Variants in TTC28 observed in about 807,000 individuals in gnomAD.
The protein encoded by TTC28 is tetratricopeptide repeat protein 28.
TTC28 carries 61 observed loss-of-function variants against 198.0 expected under a neutral mutation model. The observed-to-expected ratio is 0.31, with a 90% CI of 0.25 to 0.38. The LOEUF (loss-of-function observed/expected upper bound fraction) is 0.38. Ranked by LOEUF, TTC28 falls within the 10% of genes least tolerant of loss-of-function variation. The pLI is 1.00. For synonymous variants in TTC28, 1,171 were observed against 1,297.8 expected (o/e 0.90, Z 2.10); for missense variants, 2,678 against 3,164.0 (o/e 0.85, Z 3.69).
chr22:28,531,601 T>G (rs2049141604), intron 2 of TTC28, among the ~76,000 whole-genome samples: 1 of 152,208 alleles, frequency 6.6e-6, no homozygotes. Flanking sequence ...ATCAACAGAA[T>G]ATACATTCTT....
At chr22:28,485,324 T>C (rs539876048) in intron 2 of TTC28, among the ~76,000 whole-genome samples, 1 of 152,332 alleles carries the variant, frequency 6.6e-6, no homozygotes, top group South Asian at 2.1e-4. Flanking sequence ...ATACATATTA[T>C]AAAATAATCT....
chr22:28,272,943 A>C (rs1230086335), intron 5 of TTC28, among the ~76,000 whole-genome samples: 5 of 152,252 alleles, frequency 3.3e-5, no homozygotes, highest in Non-Finnish European at 7.3e-5. Flanking sequence ...AGTAACTGCA[A>C]TAAATCAAGT....
chr22:28,270,586 C>A (rs1932001029), intron 5 of TTC28, among the ~76,000 whole-genome samples: 2 of 152,010 alleles, frequency 1.3e-5, no homozygotes, highest in African/African-American at 2.4e-5. Context: ...GGTCACTCAG[C>A]AATATTTATT....
intron 12 of TTC28, among the ~76,000 whole-genome samples, chr22:28,040,333 C>T (rs958102899): frequency 6.6e-6 from 1 of 152,152 alleles, no homozygotes; most frequent in Non-Finnish European, 1.5e-5. Flanking sequence ...GTGCGAAAAT[C>T]CTCAATAAAA....
At chr22:28,084,779 T>C (rs1480187384) in intron 12 of TTC28, among the ~76,000 whole-genome samples, 1 of 151,968 alleles carries the variant, frequency 6.6e-6, no homozygotes, top group Non-Finnish European at 1.5e-5. Flanking sequence ...ATTAGACGAA[T>C]GGATAACTAG....
chr22:28,026,812 T>G (rs1938853165), intron 13 of TTC28, among the ~76,000 whole-genome samples: 1 of 152,156 alleles, frequency 6.6e-6, no homozygotes, highest in Admixed American at 6.5e-5. Context: ...AATAAGAAAG[T>G]CCCTCTCCAC....
intron 5 of TTC28, among the ~76,000 whole-genome samples, chr22:28,272,529 T>C (rs1343595550): frequency 6.6e-6 from 1 of 152,200 alleles, no homozygotes; most frequent in Non-Finnish European, 1.5e-5. Context: ...CCAAAAGGTG[T>C]AATTCTAAAC....
At chr22:28,473,709 T>C (rs769630151) in intron 2 of TTC28, among the ~76,000 whole-genome samples, 5 of 152,232 alleles carry the variant, frequency 3.3e-5, no homozygotes, top group Non-Finnish European at 5.9e-5. Context: ...GAATTCTTTC[T>C]TGGGCAAAGC....
At chr22:28,577,410 G>A (rs913100301) in intron 2 of TTC28, among the ~76,000 whole-genome samples, 14 of 152,176 alleles carry the variant, frequency 9.2e-5, no homozygotes, top group African/African-American at 3.4e-4. Flanking sequence ...CCCTGAGAAC[G>A]ATCCATGTGC....
At chr22:28,247,651 G>C (rs1231901092) in intron 5 of TTC28, among the ~76,000 whole-genome samples, 1 of 152,142 alleles carries the variant, frequency 6.6e-6, no homozygotes, top group Non-Finnish European at 1.5e-5. Flanking sequence ...AAGCTTTGCT[G>C]GGGGAAAGGG....
chr22:28,343,886 G>T (rs1453524039), intron 2 of TTC28, among the ~76,000 whole-genome samples: 1 of 152,154 alleles, frequency 6.6e-6, no homozygotes, highest in East Asian at 1.9e-4. Context: ...TTCCTTGGAA[G>T]CTTAGAGGAA....
At chr22:28,382,026 A>C (rs1261476346) in intron 2 of TTC28, among the ~76,000 whole-genome samples, 1 of 152,160 alleles carries the variant, frequency 6.6e-6, no homozygotes, top group East Asian at 1.9e-4. Context: ...CCCAACATTC[A>C]GATTTACAAC....
rs2045270450 is a variant in TTC28 at position 28,312,147 on chromosome 22, T to C, written c.382-5504A>G. The stretch of plus-strand genomic sequence containing the variant: ...CATTACATAATGGTAAAGGGATCAA[T>C]TCAACAAGAAGAGCTAACTATCCTA... On this transcript the variant is annotated intron_variant, in intron 2 of 22. Transcript: ENST00000397906. 2.0e-5 allele frequency among the ~76,000 whole-genome samples: 3 copies of C among 152,060 alleles called. No homozygotes were observed. In the South Asian group the frequency reaches 6.2e-4, roughly 32 times the overall value.
chr22:28,569,151 CAAATAAATAAATAAATAAAT>C (rs33998799), intron 2 of TTC28, among the ~76,000 whole-genome samples: 27 of 136,058 alleles, frequency 2.0e-4, no homozygotes, highest in African/African-American at 5.8e-4. Context: ...TGTTCTGTCT[CAAATAAATAAATAAATAAAT>C]AAATAAATAA....
At chr22:28,104,935 C>T (rs1464215378) in intron 8 of TTC28, among the ~76,000 whole-genome samples, 1 of 152,156 alleles carries the variant, frequency 6.6e-6, no homozygotes, top group African/African-American at 2.4e-5. Flanking sequence ...TTCATCTGTG[C>T]GAGAACGTGC....
rs139384337 is a variant in TTC28, at chr22:28,335,417, T to G, written c.382-28774A>C. 5.3e-3 allele frequency among the ~76,000 whole-genome samples: 812 copies of G among 152,342 alleles called. 3 individuals are homozygous for G. Among genetic ancestry groups the G allele is most frequent in the African/African-American group, 0.019 (784 of 41,570 alleles). On this transcript the variant is annotated intron_variant, in intron 2 of 22. Coordinates refer to ENST00000397906, the MANE Select transcript of TTC28 (RefSeq NM_001145418.2). The stretch of plus-strand genomic sequence containing the variant: ...AAAGTCTGTGGTAGCTTGATGGGGA[T>G]GGCATTGAATCTATAAATTACCTTG...
intron 5 of TTC28, among the ~76,000 whole-genome samples, chr22:28,192,039 C>G (rs962399607): frequency 6.6e-6 from 1 of 152,326 alleles, no homozygotes; most frequent in East Asian, 1.9e-4. Context: ...AGGCACCCCC[C>G]AGTAGGGGCA....
At chr22:28,243,953 G>A (rs746816651) in intron 5 of TTC28, among the ~76,000 whole-genome samples, 4 of 152,110 alleles carry the variant, frequency 2.6e-5, no homozygotes, top group Non-Finnish European at 4.4e-5. Flanking sequence ...AAGAGAAATC[G>A]TTGTCCTTAT....
rs1921494916 is a variant in TTC28, at chr22:28,163,555, G to T, written c.978C>A (p.Ala326=). 6.4e-7 allele frequency: 1 copy of T among 1,551,114 alleles called. No individual in the cohort carries two copies. The highest frequency in any genetic ancestry group is 8.7e-7 in the Non-Finnish European group (1 of 1,146,790). Residue 326 remains alanine (A), a synonymous_variant, in exon 6 of 23, where the codon GCC becomes GCA. Transcript: ENST00000397906. ...CCAGTGCATTGGGGTAGTCTCCAAT[G>T]GCTGTGTACACGTGGCCCAGACTGC... ...ALSSLGHVYT[A]IGDYPNALAS...
Sources: allele counts gnomAD v4.1 joint callset (sites outside exome capture counted in the v4.1 genomes callset), GRCh38; gene constraint gnomAD v4.1.1; transcripts MANE v1.5; gene names NCBI Gene and HGNC (gene_info 2026-07-23, HGNC 2026-07-21).